The following EPG5 variants were observed in gnomAD, a reference collection of about 807,000 sequenced individuals.
EPG5 encodes the protein ectopic P-granules 5 autophagy tethering factor.
Under a neutral mutation model 302.7 loss-of-function variants are expected in EPG5, and 159 were observed. The ratio of observed to expected loss-of-function variants is 0.53; its 90% CI spans 0.46 to 0.60. The LOEUF is 0.60. EPG5 is among the 20% of genes least tolerant of loss of function. The pLI, the probability that EPG5 is intolerant of heterozygous loss-of-function variation, is 0.00. For synonymous variants in EPG5, 1,158 were observed against 1,136.8 expected (o/e 1.02, Z -0.37); for missense variants, 2,896 against 3,092.4 (o/e 0.94, Z 1.51).
rs1203610505 is a variant in EPG5, at chr18:45,901,028, G to A, written c.4614C>T (p.Cys1538=). The A allele has an allele frequency of 7.4e-6, 12 of 1,613,980 alleles. No homozygotes were observed. The highest frequency in any genetic ancestry group is 8.5e-6 in the Non-Finnish European group (10 of 1,179,984). The change falls in exon 26 of 44, where the codon TGC becomes TGT. Residue 1538 remains cysteine, a synonymous_variant. Transcript: ENST00000282041. ...LSQKDATQLV[C]TDLNLLQQQA... is the part of the protein sequence containing the mutation. ...GCTGTTGCAACAGATTCAGGTCTGT[G>A]CACACCAGCTGGGTGGCGTCCTTCT...
chr18:45,928,636 T>C (rs560884426), intron 13 of EPG5, among the ~76,000 whole-genome samples: 1 of 152,284 alleles, frequency 6.6e-6, no homozygotes, highest in South Asian at 2.1e-4. Flanking sequence ...TTGAACGAGG[T>C]GGACAAGTCA....
At chr18:45,805,180 C>T in the EPG5 span, among the ~76,000 whole-genome samples, 76 of 151,838 alleles carry the variant, frequency 5.0e-4, no homozygotes, top group African/African-American at 1.8e-3. Context: ...ATATGGTACC[C>T]TAGATTGGCT....
the EPG5 span, among the ~76,000 whole-genome samples, chr18:45,813,280 G>A: frequency 1.3e-5 from 2 of 152,198 alleles, no homozygotes; most frequent in African/African-American, 2.4e-5. Context: ...GTGCTGGAGA[G>A]GATGTGGAGA....
the EPG5 span, among the ~76,000 whole-genome samples, chr18:45,815,668 C>T: frequency 3.9e-5 from 6 of 152,208 alleles, no homozygotes; most frequent in Non-Finnish European, 7.3e-5. Flanking sequence ...AAACACATCC[C>T]ATGCTCATGC....
Position 45,863,633 on chromosome 18 carries a change from G to A in EPG5, c.6766+1982C>T, listed in dbSNP as rs535613488. On this transcript the variant is annotated intron_variant, in intron 39 of 43. Coordinates refer to ENST00000282041, the MANE Select transcript of EPG5 (RefSeq NM_020964.3). ...CAATGAAAGTATGGTTCTTTACCTC[G>A]TCTTCATCATTAAAGGGTGGCTTTT... is the stretch of plus-strand genomic sequence containing the variant. Among the ~76,000 whole-genome samples the A allele has an allele frequency of 6.6e-5, 10 of 152,200 alleles. No individual in the cohort carries two copies. The South Asian group carries it at 8.3e-4, about 13-fold the overall frequency.
intron 20 of EPG5, among the ~76,000 whole-genome samples, chr18:45,914,184 T>C (rs767866538): frequency 6.6e-6 from 1 of 152,156 alleles, no homozygotes; most frequent in Non-Finnish European, 1.5e-5. Flanking sequence ...ACAAGACTAA[T>C]ATATAAGTAA....
At chr18:45,941,526 CT>C (rs2050668032) in intron 9 of EPG5, among the ~76,000 whole-genome samples, 1 of 152,096 alleles carries the variant, frequency 6.6e-6, no homozygotes, top group Non-Finnish European at 1.5e-5. Flanking sequence ...TGAGAAGAAT[CT>C]GCACTAGATA....
intron 30 of EPG5, among the ~76,000 whole-genome samples, chr18:45,883,826 T>C (rs2049159487): frequency 1.3e-5 from 2 of 150,704 alleles, no homozygotes; most frequent in Admixed American, 1.3e-4. Context: ...GCTAAGACTC[T>C]GAAATTCTCA....
At position 45,913,767 on chromosome 18, in the gene EPG5, C is replaced by T. The variant is rs186446511; in HGVS notation, c.3755G>A (p.Arg1252Gln). 9.3e-6 allele frequency: 15 copies of T among 1,614,108 alleles called. No homozygotes were observed. In the East Asian group the frequency reaches 1.1e-4, roughly 12 times the overall value. The change falls in exon 21 of 44, where the codon CGG becomes CAG. Residue 1252 changes from arginine (R) to glutamine (Q), a missense_variant. Physicochemically the swap from Arg to Gln is conservative, Grantham distance 43. Around this residue, in one of 5 missense-constraint regions of EPG5, gnomAD observed 64 missense variants for 101.8 expected, o/e 0.63. Transcript: ENST00000282041. ...CACCAATTCCCCTTCAATAACTCTC[C>T]GGAGCTGGGAGTCCTCTTCAAAGAT... is the stretch of plus-strand genomic sequence containing the variant. ...ESIFEEDSQL[R>Q]RVIEGELVIN...
chr18:45,813,453 A>C, the EPG5 span, among the ~76,000 whole-genome samples: 4 of 152,370 alleles, frequency 2.6e-5, no homozygotes, highest in South Asian at 8.3e-4. Flanking sequence ...GCTGCTATAA[A>C]GACACATGCA....
intron 10 of EPG5, among the ~76,000 whole-genome samples, chr18:45,936,784 T>TAAA (rs201568940): frequency 1.6e-3 from 216 of 135,044 alleles, no homozygotes; most frequent in Admixed American, 2.3e-3. Context: ...GTTATTAAAT[T>TAAA]AAAAAAAAAA....
intron 32 of EPG5, among the ~76,000 whole-genome samples, chr18:45,879,849 C>T (rs1038815727): frequency 1.3e-5 from 2 of 152,108 alleles, no homozygotes; most frequent in African/African-American, 4.8e-5. Context: ...GAAAGATCTA[C>T]AGGGGAGTGC....
In EPG5 at chr18:45,858,008, G is replaced by A. The variant is rs771719040; in HGVS notation, c.7287C>T (p.Leu2429=). The A allele has an allele frequency of 1.9e-5, 30 of 1,613,902 alleles. No individual in the cohort carries two copies. Among genetic ancestry groups the A allele is most frequent in the Middle Eastern group, 3.4e-4 (2 of 5,838 alleles). The change falls in exon 42 of 44, where the codon CTC becomes CTT. Residue 2429 remains leucine, a synonymous_variant. Coordinates refer to ENST00000282041, the MANE Select transcript of EPG5 (RefSeq NM_020964.3). The part of the protein sequence containing the change: ...LWWHQVLQLS[L]IQTEQNDSVL... The stretch of plus-strand genomic sequence containing the variant: ...CGGAGTCATTCTGCTCTGTCTGAAT[G>A]AGGGAGAGCTGAAGGACTTGGTGCC...
intron 9 of EPG5, among the ~76,000 whole-genome samples, chr18:45,940,834 G>C (rs906733429): frequency 6.6e-6 from 1 of 152,222 alleles, no homozygotes; most frequent in South Asian, 2.1e-4. Flanking sequence ...GGTGGCACCA[G>C]GTGTTTTGGC....
chr18:45,939,228 T>A (rs2050607135), intron 10 of EPG5, among the ~76,000 whole-genome samples: 2 of 152,038 alleles, frequency 1.3e-5, no homozygotes, highest in Admixed American at 1.3e-4. Flanking sequence ...AATCAGCAAA[T>A]CATTTGCACC....
chr18:45,814,825 C>T, the EPG5 span, among the ~76,000 whole-genome samples: 2 of 152,214 alleles, frequency 1.3e-5, no homozygotes, highest in African/African-American at 4.8e-5. Context: ...TGTTCTTGTT[C>T]ATCATGGGTC....
chr18:45,812,070 C>T, the EPG5 span, among the ~76,000 whole-genome samples: 1 of 152,186 alleles, frequency 6.6e-6, no homozygotes, highest in African/African-American at 2.4e-5. Context: ...TCAGCAAAGT[C>T]TCAGGATACA....
rs779434039 is a variant in EPG5, at chr18:45,879,154, C to G, written c.5728G>C (p.Asp1910His). Reference sequence around the variant, plus strand: ...GAGAATAAACCAAAGCTTTTAAAGTCCATCTTGGATAACCGAAGCTTATAA... The same window carrying G: ...GAGAATAAACCAAAGCTTTTAAAGTGCATCTTGGATAACCGAAGCTTATAA... ...FFYKLRLSKM[D>H]FKSFGLFSKW... The change falls in exon 33 of 44, where the codon GAC becomes CAC. Residue 1910 changes from aspartate (D) to histidine (H), a missense_variant. Around this residue, in one of 5 missense-constraint regions of EPG5, gnomAD observed 790 missense variants for 798.0 expected, o/e 0.99. Coordinates refer to ENST00000282041, the MANE Select transcript of EPG5 (RefSeq NM_020964.3). 1 of 1,614,056 alleles carries G rather than the reference C, an allele frequency of 6.2e-7. No individual in the cohort carries two copies. Among genetic ancestry groups the G allele is most frequent in the East Asian group, 2.2e-5 (1 of 44,876 alleles).
intron 1 of EPG5, among the ~76,000 whole-genome samples, chr18:45,958,655 T>G (rs999048145): frequency 6.6e-6 from 1 of 152,142 alleles, no homozygotes; most frequent in Non-Finnish European, 1.5e-5. Flanking sequence ...ATACAAAAAT[T>G]AATGCAAAAA....
Sources: gnomAD v4.1 joint callset for allele counts (sites outside exome capture counted in the v4.1 genomes callset) on GRCh38, gnomAD v4.1.1 for gene constraint, gnomAD v4.1.1 regional missense constraint, MANE v1.5 for transcripts, NCBI Gene and HGNC (gene_info 2026-07-23, HGNC 2026-07-21) for gene names.